The following EYS variants were observed in gnomAD, a reference collection of about 807,000 sequenced individuals.
EYS encodes EGF-like photoreceptor maintenance factor.
A neutral mutation model predicts 282.1 loss-of-function variants in EYS; 250 were observed. The observed-to-expected ratio is 0.89, with a 90% CI of 0.80 to 0.98. EYS has a LOEUF of 0.98. Ranked by LOEUF, EYS falls within the 50% of genes least tolerant of loss-of-function variation. EYS has a pLI of 0.00. For synonymous variants in EYS, 1,355 were observed against 1,282.9 expected (o/e 1.06, Z -1.20); for missense variants, 4,016 against 3,709.0 (o/e 1.08, Z -2.15).
rs192460756 is a variant in EYS at position 65,029,276 on chromosome 6, G to A, written c.2137+28338C>T. 9.2e-5 allele frequency among the ~76,000 whole-genome samples: 14 copies of A among 152,026 alleles called. No homozygotes were observed. In the East Asian group the frequency reaches 2.7e-3, roughly 29 times the overall value. On this transcript the variant is annotated intron_variant, in intron 13 of 42. Coordinates refer to ENST00000503581, the MANE Select transcript of EYS (RefSeq NM_001142800.2). ...GTGATCAGAGTGTTCTCTTATAAAG[G>A]GAAAGAGTTAGGAAATATGTGCATG... is the stretch of plus-strand genomic sequence containing the variant.
intron 16 of EYS, among the ~76,000 whole-genome samples, chr6:64,909,307 G>T (rs1385547710): frequency 6.6e-6 from 1 of 152,096 alleles, no homozygotes; most frequent in African/African-American, 2.4e-5. Context: ...GGCAAAAAAA[G>T]TTGGTTACAA....
At chr6:65,681,877 T>C (rs1201074055) in intron 1 of EYS, among the ~76,000 whole-genome samples, 3 of 151,950 alleles carry the variant, frequency 2.0e-5, no homozygotes, top group Non-Finnish European at 2.9e-5. Context: ...TCTAAAAATC[T>C]AATCATTAAG....
At chr6:65,599,675 A>G (rs915790841) in intron 2 of EYS, among the ~76,000 whole-genome samples, 1 of 152,132 alleles carries the variant, frequency 6.6e-6, no homozygotes, top group Non-Finnish European at 1.5e-5. Context: ...ATGTTTATTC[A>G]GATAAAAATT....
At chr6:64,979,437 C>T (rs761933585) in intron 14 of EYS, among the ~76,000 whole-genome samples, 7 of 151,430 alleles carry the variant, frequency 4.6e-5, no homozygotes, top group Non-Finnish European at 7.4e-5. Context: ...GCCCACCTCC[C>T]GTGGGAAAAA....
At chr6:64,079,328 T>A (rs887665010) in intron 32 of EYS, among the ~76,000 whole-genome samples, 9 of 152,114 alleles carry the variant, frequency 5.9e-5, no homozygotes, top group Non-Finnish European at 1.0e-4. Flanking sequence ...AGTTGGTTTC[T>A]TTCTAAAATA....
intron 12 of EYS, among the ~76,000 whole-genome samples, chr6:65,109,607 T>C (rs1775150116): frequency 6.6e-6 from 1 of 152,102 alleles, no homozygotes; most frequent in East Asian, 1.9e-4. Context: ...ATTTCCCCAT[T>C]CTTTTTAACA....
chr6:64,456,373 A>G (rs1775560463), intron 26 of EYS, among the ~76,000 whole-genome samples: 1 of 152,106 alleles, frequency 6.6e-6, no homozygotes, highest in Non-Finnish European at 1.5e-5. Context: ...CTTTACCCAT[A>G]AAACTAGGGT....
At chr6:65,670,479 A>G (rs939563115) in intron 1 of EYS, among the ~76,000 whole-genome samples, 1 of 152,066 alleles carries the variant, frequency 6.6e-6, no homozygotes, top group African/African-American at 2.4e-5. Context: ...TGTGTGTGCT[A>G]CTGTTCTGTG....
intron 15 of EYS, among the ~76,000 whole-genome samples, chr6:64,934,507 C>A (rs1768837502): frequency 6.6e-6 from 1 of 151,566 alleles, no homozygotes; most frequent in South Asian, 2.1e-4. Context: ...GTGATAGCAT[C>A]AAGAAAGAAA....
intron 31 of EYS, among the ~76,000 whole-genome samples, chr6:64,219,176 G>T (rs1034930656): frequency 1.7e-4 from 26 of 152,290 alleles, no homozygotes; most frequent in African/African-American, 6.0e-4. Flanking sequence ...CTACTATCCT[G>T]ATCTGACCTT....
At chr6:64,290,323 G>A (rs1299304406) in intron 30 of EYS, among the ~76,000 whole-genome samples, 1 of 152,072 alleles carries the variant, frequency 6.6e-6, no homozygotes, top group African/African-American at 2.4e-5. Context: ...CATAGCAGGA[G>A]TTAAAATATT....
rs1246294174 is a variant in EYS, at chr6:64,660,556, C to A, written c.3444-34311G>T. Among the ~76,000 whole-genome samples the A allele has an allele frequency of 3.3e-5, 5 of 152,100 alleles. No homozygotes were observed. In the East Asian group the frequency reaches 7.7e-4, roughly 23 times the overall value. On this transcript the variant is annotated intron_variant, in intron 22 of 42. Transcript: ENST00000503581. ...CAGCAAAGTCTCAGGATACAAAAGC[C>A]ATGTGCAAAAATCACTAGCATTCTA...
rs1249058521 is a variant in EYS at position 65,707,122 on chromosome 6, A to G, written c.-448+13T>C. 1 of 152,190 alleles carries G rather than the reference A, an allele frequency of 6.6e-6. No individual in the cohort carries two copies. Among genetic ancestry groups the G allele is most frequent in the Non-Finnish European group, 1.5e-5 (1 of 68,038 alleles). The allele number at this position is 152,190 out of a possible 1,614,324, so 9.4% of individuals were successfully genotyped here. A position where few individuals can be genotyped will look rare whatever the true frequency, so the allele number is the denominator to read the frequency against. On this transcript the variant is annotated intron_variant, in intron 1 of 42. Coordinates refer to ENST00000503581, the MANE Select transcript of EYS (RefSeq NM_001142800.2). Reference sequence around the variant, plus strand: ...AGAAAAATAATTTCTAGGTGGAATCAAGTATAACTTACCCCAACCATTAGC... The same window carrying G: ...AGAAAAATAATTTCTAGGTGGAATCGAGTATAACTTACCCCAACCATTAGC...
chr6:65,628,714 G>T (rs980793502), intron 2 of EYS, among the ~76,000 whole-genome samples: 1 of 151,352 alleles, frequency 6.6e-6, no homozygotes, highest in African/African-American at 2.4e-5. Context: ...GCAAGACCAC[G>T]AACCCACCAG....
At chr6:64,989,178 C>T (rs1053843947) in intron 14 of EYS, among the ~76,000 whole-genome samples, 8 of 150,702 alleles carry the variant, frequency 5.3e-5, no homozygotes, top group African/African-American at 1.7e-4. Flanking sequence ...GGCTTAGAAA[C>T]GTTAAATGAC....
chr6:64,725,948 C>T (rs1488152686), intron 22 of EYS, among the ~76,000 whole-genome samples: 1 of 152,132 alleles, frequency 6.6e-6, no homozygotes, highest in African/African-American at 2.4e-5. Flanking sequence ...AAACCCAAAA[C>T]CTTTATCACT....
chr6:64,994,106 T>G (rs1771168085), intron 14 of EYS, among the ~76,000 whole-genome samples: 1 of 151,984 alleles, frequency 6.6e-6, no homozygotes, highest in African/African-American at 2.4e-5. Context: ...AAGAAATAGT[T>G]ATTCTCAAAT....
At chr6:64,999,302 C>T (rs1476980791) in intron 13 of EYS, among the ~76,000 whole-genome samples, 14 of 152,182 alleles carry the variant, frequency 9.2e-5, no homozygotes, top group Non-Finnish European at 1.8e-4. Flanking sequence ...TTGTTAACCA[C>T]GGGGCTATGT....
intron 12 of EYS, among the ~76,000 whole-genome samples, chr6:65,255,322 A>G (rs758816311): frequency 1.3e-5 from 2 of 152,022 alleles, no homozygotes; most frequent in Non-Finnish European, 2.9e-5. Flanking sequence ...TTGGACATCC[A>G]TTTTCAGAAG....
Sources: gnomAD v4.1 joint callset for allele counts (sites outside exome capture counted in the v4.1 genomes callset) on GRCh38, gnomAD v4.1.1 for gene constraint, MANE v1.5 for transcripts, NCBI Gene and HGNC (gene_info 2026-07-23, HGNC 2026-07-21) for gene names.